The following EIPR1 variants were observed in gnomAD, a reference collection of about 807,000 sequenced individuals.
EIPR1 encodes EARP complex and GARP complex interacting protein 1.
A neutral mutation model predicts 48.1 loss-of-function variants in EIPR1; 25 were observed. The observed-to-expected ratio is 0.52, with a 90% CI of 0.38 to 0.73. The LOEUF is 0.73. EIPR1 is among the 30% of genes least tolerant of loss of function. The pLI is 0.00. For missense variants in EIPR1, 415 were observed against 506.2 expected (o/e 0.82, Z 1.73); for synonymous variants, 204 against 201.9 (o/e 1.01, Z -0.09).
chr2:3,209,338 G>C (rs1388742149), intron 5 of EIPR1, among the ~76,000 whole-genome samples: 1 of 152,156 alleles, frequency 6.6e-6, no homozygotes, highest in Non-Finnish European at 1.5e-5. Flanking sequence ...CAGCCAAGTA[G>C]GACACAAAAC....
At chr2:3,195,649 C>T (rs1333277063) in intron 6 of EIPR1, among the ~76,000 whole-genome samples, 11 of 152,172 alleles carry the variant, frequency 7.2e-5, no homozygotes, top group Non-Finnish European at 1.3e-4. Context: ...GACAGTCGCA[C>T]GTGCACGATG....
intron 3 of EIPR1, among the ~76,000 whole-genome samples, chr2:3,318,350 G>A (rs910400128): frequency 1.3e-5 from 2 of 152,194 alleles, no homozygotes; most frequent in Non-Finnish European, 1.5e-5. Flanking sequence ...AGAGCAGGAC[G>A]CCGTGAGGAG....
chr2:3,256,021 G>A (rs1667144027), intron 4 of EIPR1, among the ~76,000 whole-genome samples: 1 of 152,170 alleles, frequency 6.6e-6, no homozygotes, highest in Non-Finnish European at 1.5e-5. Context: ...GGGACTTTGG[G>A]ACTCTTCATC....
At chr2:3,323,108 C>A (rs56012759) in intron 3 of EIPR1, among the ~76,000 whole-genome samples, 1 of 115,922 alleles carries the variant, frequency 8.6e-6, no homozygotes, top group East Asian at 5.6e-4. Context: ...CTGATTTTTT[C>A]TTTAAAAAAA....
chr2:3,366,847 G>A (rs1478103440), intron 1 of EIPR1, among the ~76,000 whole-genome samples: 1 of 152,192 alleles, frequency 6.6e-6, no homozygotes, highest in East Asian at 1.9e-4. Flanking sequence ...GAGGTCAGGA[G>A]TTCGAGACCA....
intron 3 of EIPR1, among the ~76,000 whole-genome samples, chr2:3,314,902 G>A (rs576469419): frequency 4.6e-5 from 7 of 151,950 alleles, no homozygotes; most frequent in South Asian, 2.1e-4. Context: ...CTCAGGACCA[G>A]CAACAAGAGT....
chr2:3,235,184 T>C (rs560061139), intron 4 of EIPR1, among the ~76,000 whole-genome samples: 1 of 152,242 alleles, frequency 6.6e-6, no homozygotes, highest in Non-Finnish European at 1.5e-5. Flanking sequence ...TTACCTGTTA[T>C]TCACTCACTA....
At chr2:3,361,675 A>C (rs1418310630) in intron 1 of EIPR1, among the ~76,000 whole-genome samples, 1 of 151,918 alleles carries the variant, frequency 6.6e-6, no homozygotes, top group Non-Finnish European at 1.5e-5. Flanking sequence ...TGTCAGACCC[A>C]ACAGCCGCCT....
rs114074003 is a variant in EIPR1 at position 3,296,922 on chromosome 2, C to T, written c.260-39467G>A. On this transcript the variant is annotated intron_variant, in intron 3 of 8. Coordinates refer to ENST00000382125, the MANE Select transcript of EIPR1 (RefSeq NM_003310.5). ...TCAGCTGTCTAGGACCAAGTCTCTC[C>T]GAGTCTCTGACTTGTTTCCTTAGGG... 2.7e-3 allele frequency among the ~76,000 whole-genome samples: 409 copies of T among 152,372 alleles called. 3 individuals are homozygous for T. Among genetic ancestry groups the T allele is most frequent in the African/African-American group, 9.1e-3 (379 of 41,584 alleles).
rs542396345 is a variant in EIPR1 at position 3,320,871 on chromosome 2, G to A, written c.259+17146C>T. ...TCAGCTGACAATTTGGTTAGTGCAC[G>A]GCTATTCCAGAGAAGATAGGTCACC... On this transcript the variant is annotated intron_variant, in intron 3 of 8. Coordinates refer to ENST00000382125, the MANE Select transcript of EIPR1 (RefSeq NM_003310.5). Among the ~76,000 whole-genome samples, 57 of 152,280 alleles carry A rather than the reference G, an allele frequency of 3.7e-4. 1 individual carries two copies. Among genetic ancestry groups the A allele is most frequent in the African/African-American group, 1.3e-3 (56 of 41,550 alleles).
At chr2:3,248,249 A>G (rs1443619315) in intron 4 of EIPR1, among the ~76,000 whole-genome samples, 1 of 152,224 alleles carries the variant, frequency 6.6e-6, no homozygotes, top group Non-Finnish European at 1.5e-5. Flanking sequence ...GGAGTTCAAG[A>G]GCAGCCTGAC....
intron 4 of EIPR1, among the ~76,000 whole-genome samples, chr2:3,250,839 C>G (rs1358828987): frequency 1.3e-5 from 2 of 152,176 alleles, no homozygotes; most frequent in African/African-American, 4.8e-5. Flanking sequence ...CCTGGCTCCC[C>G]CTTCACCTTC....
chr2:3,367,834 G>A (rs904061682), intron 1 of EIPR1, among the ~76,000 whole-genome samples: 1 of 152,124 alleles, frequency 6.6e-6, no homozygotes, highest in Non-Finnish European at 1.5e-5. Context: ...GGATCACAAG[G>A]TCAGGAGATC....
intron 4 of EIPR1, among the ~76,000 whole-genome samples, chr2:3,235,443 T>C (rs1019785309): frequency 2.4e-5 from 1 of 42,372 alleles, no homozygotes; most frequent in Non-Finnish European, 6.3e-5. Flanking sequence ...CACACACGCG[T>C]GCGCGCACAC....
At chr2:3,356,720 G>C (rs1394567236) in intron 1 of EIPR1, among the ~76,000 whole-genome samples, 1 of 152,218 alleles carries the variant, frequency 6.6e-6, no homozygotes, top group Non-Finnish European at 1.5e-5. Flanking sequence ...ACTGAAATCA[G>C]AAAACCTTCC....
intron 3 of EIPR1, among the ~76,000 whole-genome samples, chr2:3,307,686 G>A (rs1243265224): frequency 6.6e-6 from 1 of 152,148 alleles, no homozygotes; most frequent in African/African-American, 2.4e-5. Flanking sequence ...CGTTACCAGA[G>A]GCTGGGAAAA....
chr2:3,230,668 T>C (rs1276750034), intron 4 of EIPR1, among the ~76,000 whole-genome samples: 3 of 152,184 alleles, frequency 2.0e-5, no homozygotes. Context: ...ACCATATACG[T>C]GTGAGTTTAT....
At chr2:3,293,363 A>C (rs555137993) in intron 3 of EIPR1, among the ~76,000 whole-genome samples, 154 of 152,312 alleles carry the variant, frequency 1.0e-3, no homozygotes, top group African/African-American at 3.6e-3. Flanking sequence ...AGACAGAGGG[A>C]AATGCTGCTA....
At chr2:3,283,800 G>A (rs995291930) in intron 3 of EIPR1, among the ~76,000 whole-genome samples, 46 of 152,124 alleles carry the variant, frequency 3.0e-4, no homozygotes, top group African/African-American at 8.9e-4. Context: ...AAAATTAGCC[G>A]GGCGTGGTGG....
Sources: allele counts gnomAD v4.1 joint callset (sites outside exome capture counted in the v4.1 genomes callset), GRCh38; gene constraint gnomAD v4.1.1; transcripts MANE v1.5; gene names NCBI Gene and HGNC (gene_info 2026-07-23, HGNC 2026-07-21).